The following TBKBP1 variants were observed in gnomAD, a reference collection of about 807,000 sequenced individuals.
The protein encoded by TBKBP1 is TBK1 binding protein 1, also known as TANK-binding kinase 1-binding protein 1.
Under a neutral mutation model 69.9 loss-of-function variants are expected in TBKBP1, and 47 were observed. The observed-to-expected ratio is 0.67, with a 90% CI of 0.53 to 0.86. The LOEUF is 0.86. Among genes scored for constraint, TBKBP1 ranks in the 40% least tolerant of loss-of-function variants. TBKBP1 has a pLI of 0.00. For synonymous variants in TBKBP1, 418 were observed against 390.3 expected, an observed-to-expected ratio of 1.07 and a Z score of -0.84; for missense variants, 831 against 858.6, an observed-to-expected ratio of 0.97 and a Z score of 0.40.
chr17:47,696,282 G>T lies in TBKBP1; in HGVS notation c.170G>T (p.Gly57Val). The T allele has an allele frequency of 6.2e-7, 1 of 1,613,610 alleles. No individual in the cohort carries two copies. The highest frequency in any genetic ancestry group is 1.7e-5 in the Admixed American group (1 of 60,016). ...AYGDIKERLG[G>V]LERENATLRR... ...GGAGACATCAAGGAACGGCTGGGGG[G>T]CCTGGAGAGGGAGAACGCCACCCTC... is the stretch of plus-strand genomic sequence containing the variant. Residue 57 changes from glycine to valine, a missense_variant, in exon 2 of 10, where the codon GGC becomes GTC. Coordinates refer to ENST00000578982, the MANE Select transcript of TBKBP1 (RefSeq NM_001394755.1).
chr17:47,696,667 G>T, intron 2 of TBKBP1, 44 bp from the exon 3 acceptor site: 1 of 1,613,260 alleles, frequency 6.2e-7, no homozygotes. Context: ...GCCTGGGCTG[G>T]GCACCCGGGA....
At chr17:47,694,397 G>C (rs1307846441) in intron 1 of TBKBP1, among the ~76,000 whole-genome samples, 2 of 151,874 alleles carry the variant, frequency 1.3e-5, no homozygotes, top group Non-Finnish European at 2.9e-5. Context: ...CGCCACTCCC[G>C]GAGCCCCTTC....
intron 4 of TBKBP1, among the ~76,000 whole-genome samples, chr17:47,697,691 G>A (rs2031304251): frequency 6.6e-6 from 1 of 152,144 alleles, no homozygotes; most frequent in Non-Finnish European, 1.5e-5. Flanking sequence ...GACAGGCCAG[G>A]TATGGTGGCT....
rs1379729075 is a variant in TBKBP1 at position 47,696,811 on chromosome 17, G to A, written c.326G>A (p.Arg109Gln). The change falls in exon 3 of 10, where the codon CGG (arginine) becomes CAG (glutamine). Residue 109 changes from arginine to glutamine, a missense_variant. Transcript: ENST00000578982. The stretch of plus-strand genomic sequence containing the variant: ...GTGGAGAAGGTCAGCCTGCAGCAAC[G>A]GCTCAACCAGTTCCAGCATGAGGTG... ...LEVEKVSLQQ[R>Q]LNQFQHELQK... The A allele has an allele frequency of 5.6e-6, 9 of 1,613,856 alleles. No homozygotes were observed. The highest frequency in any genetic ancestry group is 2.2e-5 in the South Asian group (2 of 91,082).
At position 47,709,321 on chromosome 17, in the gene TBKBP1, A is replaced by ACCAGCCCGC; in HGVS notation, c.1597_1605dup (p.Pro533_Pro535dup). The stretch of plus-strand genomic sequence containing the variant: ...GGAGGAGGACGAGTGGGCTGTGCCC[A>ACCAGCCCGC]CCAGCCCGCCCAGCCCGGAGGTGGG... On this transcript the variant is annotated inframe_insertion, in exon 9 of 10. Coordinates refer to ENST00000578982, the MANE Select transcript of TBKBP1 (RefSeq NM_001394755.1). 3 of 1,527,340 alleles carry ACCAGCCCGC rather than the reference A, an allele frequency of 2.0e-6. No homozygotes were observed. The highest frequency in any genetic ancestry group is 2.6e-6 in the Non-Finnish European group (3 of 1,143,794). The allele number at this position is 1,527,340 out of a possible 1,614,324, so 94.6% of individuals were successfully genotyped here.
In TBKBP1 at chr17:47,705,977, C is replaced by A. The variant is rs371170712; in HGVS notation, c.873-2417C>A. Reference sequence around the variant, plus strand: ...GCTTCTTCCTTCCATTTTCAGCCACCCTGTCTGTTTCACTGTGAGAAGGAT... The same window carrying A: ...GCTTCTTCCTTCCATTTTCAGCCACACTGTCTGTTTCACTGTGAGAAGGAT... On this transcript the variant is annotated intron_variant, in intron 7 of 9. Coordinates refer to ENST00000578982, the MANE Select transcript of TBKBP1 (RefSeq NM_001394755.1). 3.8e-4 allele frequency among the ~76,000 whole-genome samples: 58 copies of A among 152,218 alleles called. 1 individual carries two copies. In the South Asian group the frequency reaches 0.012, roughly 31 times the overall value.
In TBKBP1 at chr17:47,710,758, G is replaced by C. The variant is rs562471371; in HGVS notation, c.*132G>C. 2.3e-6 allele frequency: 3 copies of C among 1,305,348 alleles called. No individual in the cohort carries two copies. The East Asian group carries it at 7.3e-5, about 32-fold the overall frequency. 80.9% of individuals were successfully genotyped at this position (1,305,348 alleles called of 1,614,324 possible). ...CCCAGATACCTCCACTTGCTACCGA[G>C]TCAACGTGTGTGCCATCTTCCCTGG... On this transcript the variant is annotated 3_prime_UTR_variant, in exon 10 of 10. Transcript: ENST00000578982.
rs987883602 is a variant in TBKBP1 at position 47,703,740 on chromosome 17, A to T, written c.872+4043A>T. On this transcript the variant is annotated intron_variant, in intron 7 of 9. Transcript: ENST00000578982. ...CCTATCTGCTAGGCACTCCCCTGAA[A>T]TTTTTTTTTTTTTTTGTCCATGCCA... 8.3e-5 allele frequency among the ~76,000 whole-genome samples: 12 copies of T among 144,988 alleles called. No homozygotes were observed. The South Asian group carries it at 8.8e-4, about 11-fold the overall frequency.
Position 47,709,214 on chromosome 17 carries a change from G to T in TBKBP1, c.1481G>T (p.Ser494Ile). The T allele has an allele frequency of 6.6e-7, 1 of 1,520,520 alleles. No individual in the cohort carries two copies. Among genetic ancestry groups the T allele is most frequent in the Non-Finnish European group, 8.7e-7 (1 of 1,143,496 alleles). The allele number at this position is 1,520,520 out of a possible 1,614,324, so 94.2% of individuals were successfully genotyped here. A position where few individuals can be genotyped will look rare whatever the true frequency, so the allele number is the denominator to read the frequency against. Residue 494 changes from serine to isoleucine, a missense_variant, in exon 9 of 10, where the codon AGC becomes ATC. Coordinates refer to ENST00000578982, the MANE Select transcript of TBKBP1 (RefSeq NM_001394755.1). ...ATLPKPRAYG[S>I]ELYGPGRPLS... ...CTCCCCAAGCCCCGGGCCTACGGCA[G>T]CGAGCTCTACGGCCCTGGCAGGCCC...
chr17:47,709,256 C>T lies in TBKBP1; in HGVS notation c.1523C>T (p.Ala508Val), dbSNP rs763159429. ...GPGRPLSPRR[A>V]FEGIRLRFEK... ...GGCAGGCCCCTCAGCCCGCGGCGCG[C>T]CTTCGAGGGCATCCGGCTGCGCTTC... Residue 508 changes from alanine (A) to valine (V), a missense_variant, in exon 9 of 10, where the codon GCC (alanine) becomes GTC (valine). Coordinates refer to ENST00000578982, the MANE Select transcript of TBKBP1 (RefSeq NM_001394755.1). 2.4e-5 allele frequency: 37 copies of T among 1,522,170 alleles called. No homozygotes were observed. Among genetic ancestry groups the T allele is most frequent in the Non-Finnish European group, 3.2e-5 (37 of 1,143,404 alleles). The allele number at this position is 1,522,170 out of a possible 1,614,324, so 94.3% of individuals were successfully genotyped here.
In TBKBP1 at chr17:47,699,670, C is replaced by T. The variant is rs1206567632; in HGVS notation, c.845C>T (p.Ala282Val). Residue 282 changes from alanine to valine, a missense_variant, in exon 7 of 10, where the codon GCG (alanine) becomes GTG (valine). Transcript: ENST00000578982. ...TCCAACCAGTCGGAGCGAGACATGG[C>T]GTGGGTGAAAAGAGTTGGGGATGAT... Reference protein sequence around the residue: ...LASNQSERDMAWVKRVGDDQV... With the variant: ...LASNQSERDMVWVKRVGDDQV... 8 of 1,613,738 alleles carry T rather than the reference C, an allele frequency of 5.0e-6. No individual in the cohort carries two copies. The highest frequency in any genetic ancestry group is 1.3e-5 in the African/African-American group (1 of 74,860).
At chr17:47,706,867 A>ACACACACACACG (rs879677637) in intron 7 of TBKBP1, among the ~76,000 whole-genome samples, 23 of 148,912 alleles carry the variant, frequency 1.5e-4, no homozygotes, top group Non-Finnish European at 2.5e-4. Flanking sequence ...ACACACACAC[A>ACACACACACACG]CACGCACACA....
chr17:47,710,695 C>T lies in TBKBP1; in HGVS notation c.*69C>T. On this transcript the variant is annotated 3_prime_UTR_variant, in exon 10 of 10. Transcript: ENST00000578982. The stretch of plus-strand genomic sequence containing the variant: ...CACCCCCAAACACTCACTTTGAATG[C>T]TGCATGAATCTCGTGGGGGGTCCCT... 3 of 1,546,790 alleles carry T rather than the reference C, an allele frequency of 1.9e-6. No homozygotes were observed. Among genetic ancestry groups the T allele is most frequent in the Non-Finnish European group, 2.6e-6 (3 of 1,137,038 alleles).
Position 47,708,500 on chromosome 17 carries a change from G to T in TBKBP1, c.979G>T (p.Ala327Ser). Residue 327 changes from alanine (A) to serine (S), a missense_variant, in exon 8 of 10, where the codon GCC becomes TCC. Transcript: ENST00000578982. This position sits in a 1 kb window ranked among gnomAD's most constrained non-coding sequence, Gnocchi z 4.4. Reference protein sequence around the residue: ...RILRTLLQEQARSGGQRHSPL... With the variant: ...RILRTLLQEQSRSGGQRHSPL... Reference sequence around the variant, plus strand: ...CTTGAGGACTCTGTTGCAGGAACAGGCCCGGAGTGGCGGTGAGATGGGGCA... The same window carrying T: ...CTTGAGGACTCTGTTGCAGGAACAGTCCCGGAGTGGCGGTGAGATGGGGCA... 6.2e-6 allele frequency: 10 copies of T among 1,613,816 alleles called. No individual in the cohort carries two copies. Among genetic ancestry groups the T allele is most frequent in the Non-Finnish European group, 8.5e-6 (10 of 1,179,810 alleles).
In TBKBP1 at chr17:47,699,400, G is replaced by T; in HGVS notation, c.715G>T (p.Glu239Ter). 1 of 1,564,816 alleles carries T rather than the reference G, an allele frequency of 6.4e-7. No individual in the cohort carries two copies. The stretch of plus-strand genomic sequence containing the variant: ...AGAGGCTTTGGAGGCCGCGCAGGGA[G>T]AGGCCCGGGGGGCTCAGCTCCGGGA... The part of the protein sequence containing the change: ...LEEALEAAQG[E>*]ARGAQLREEQ... Residue 239 changes from glutamate (E) to a stop codon, truncating the protein, a stop_gained, in exon 6 of 10, where the codon GAG (glutamate) becomes TAG (stop). Coordinates refer to ENST00000578982, the MANE Select transcript of TBKBP1 (RefSeq NM_001394755.1). LOFTEE classifies it high-confidence loss of function.
intron 7 of TBKBP1, among the ~76,000 whole-genome samples, chr17:47,703,454 G>A (rs1166201892): frequency 3.3e-5 from 5 of 152,130 alleles, no homozygotes; most frequent in South Asian, 2.1e-4. Flanking sequence ...AGTCTCCTTC[G>A]GCCAGGGCAC....
chr17:47,708,249 GA>G lies in TBKBP1; in HGVS notation c.873-144del. 2.6e-6 allele frequency: 2 copies of G among 772,594 alleles called. No homozygotes were observed. Among genetic ancestry groups the G allele is most frequent in the South Asian group, 3.5e-5 (2 of 56,684 alleles). 47.9% of individuals were successfully genotyped at this position (772,594 alleles called of 1,614,324 possible). A position where few individuals can be genotyped will look rare whatever the true frequency, so the allele number is the denominator to read the frequency against. On this transcript the variant is annotated intron_variant, in intron 7 of 9. Transcript: ENST00000578982. This position sits in a 1 kb window ranked among gnomAD's most constrained non-coding sequence, Gnocchi z 4.4. ...TGAGCTGGACCTTAAAGGTAGGGAG[GA>G]TTTCTGCAATTGGGGTAGGAGGGCC...
At chr17:47,694,460 G>A (rs1165217544) in intron 1 of TBKBP1, among the ~76,000 whole-genome samples, 1 of 152,204 alleles carries the variant, frequency 6.6e-6, no homozygotes, top group South Asian at 2.1e-4. Context: ...TTGTGGGGGA[G>A]GGGGCTGCGT....
chr17:47,700,661 G>C (rs1276691609), intron 7 of TBKBP1, among the ~76,000 whole-genome samples: 2 of 152,138 alleles, frequency 1.3e-5, no homozygotes, highest in Non-Finnish European at 2.9e-5. Context: ...TCTCAGGAGA[G>C]AGAAGCCTGA....
Sources: gnomAD v4.1 joint callset for allele counts (sites outside exome capture counted in the v4.1 genomes callset) on GRCh38, gnomAD v4.1.1 for gene constraint, Gnocchi (gnomAD v3.1) non-coding constraint, MANE v1.5 for transcripts, NCBI Gene and HGNC (gene_info 2026-07-23, HGNC 2026-07-21) for gene names.